Variants in SCAPER observed in about 807,000 individuals in gnomAD.
The protein encoded by SCAPER is S phase cyclin A-associated protein in the endoplasmic reticulum.
SCAPER carries 98 observed loss-of-function variants against 182.2 expected under a neutral mutation model. The ratio of observed to expected loss-of-function variants is 0.54; its 90% CI spans 0.46 to 0.64. The LOEUF (loss-of-function observed/expected upper bound fraction) is 0.64, where lower values mean the gene tolerates loss of function less well. Among genes scored for constraint, SCAPER ranks in the 30% least tolerant of loss-of-function variants. The pLI is 0.00. For missense variants in SCAPER, 1,432 were observed against 1,690.0 expected (o/e 0.85, Z 2.68); for synonymous variants, 605 against 564.6 (o/e 1.07, Z -1.01).
At chr15:76,537,337 C>A (rs1464387852) in intron 23 of SCAPER, among the ~76,000 whole-genome samples, 1 of 151,916 alleles carries the variant, frequency 6.6e-6, no homozygotes, top group Admixed American at 6.6e-5. Context: ...GCTACAGTAA[C>A]CAAAACAGCA....
At chr15:76,690,904 T>C (rs1351793553) in intron 20 of SCAPER, among the ~76,000 whole-genome samples, 1 of 152,020 alleles carries the variant, frequency 6.6e-6, no homozygotes, top group Non-Finnish European at 1.5e-5. Flanking sequence ...AAAAAACTTC[T>C]AAGTGAAATA....
At chr15:76,849,762 C>T (rs1057019314) in intron 4 of SCAPER, among the ~76,000 whole-genome samples, 3 of 152,218 alleles carry the variant, frequency 2.0e-5, no homozygotes, top group African/African-American at 7.2e-5. Flanking sequence ...AGTCCGTTCT[C>T]ACGCTGCTAT....
At chr15:76,415,495 A>G (rs1246516183) in intron 26 of SCAPER, among the ~76,000 whole-genome samples, 1 of 152,190 alleles carries the variant, frequency 6.6e-6, no homozygotes, top group Non-Finnish European at 1.5e-5. Context: ...TAAATTTGGG[A>G]ATTTATTCAC....
At chr15:76,545,682 T>G (rs1408147348) in intron 23 of SCAPER, among the ~76,000 whole-genome samples, 3 of 152,130 alleles carry the variant, frequency 2.0e-5, no homozygotes, top group African/African-American at 7.2e-5. Flanking sequence ...TCACCCTGGC[T>G]TTTTGAAGAC....
intron 23 of SCAPER, among the ~76,000 whole-genome samples, chr15:76,511,863 GTGTGTGTGTA>G (rs2042062121): frequency 9.0e-6 from 1 of 110,668 alleles, no homozygotes; most frequent in Non-Finnish European, 1.8e-5. Flanking sequence ...GTGTGTGTGT[GTGTGTGTGTA>G]TATATATATA....
At chr15:76,368,620 T>C (rs1488099430) in intron 29 of SCAPER, among the ~76,000 whole-genome samples, 2 of 152,182 alleles carry the variant, frequency 1.3e-5, no homozygotes, top group Admixed American at 6.5e-5. Context: ...GACAGTTACA[T>C]GATCAGCATG....
chr15:76,487,531 G>GT (rs1452250589), intron 24 of SCAPER, among the ~76,000 whole-genome samples: 1 of 152,144 alleles, frequency 6.6e-6, no homozygotes, highest in African/African-American at 2.4e-5. Flanking sequence ...ACTTCAGTTA[G>GT]TAACAACATA....
chr15:76,782,903 G>C (rs1392673769), intron 8 of SCAPER, among the ~76,000 whole-genome samples: 1 of 152,176 alleles, frequency 6.6e-6, no homozygotes, highest in Non-Finnish European at 1.5e-5. Flanking sequence ...GAAAGTTATA[G>C]CACTAAATGC....
intron 1 of SCAPER, among the ~76,000 whole-genome samples, chr15:76,899,703 G>A (rs1007883850): frequency 1.2e-4 from 17 of 147,826 alleles, no homozygotes; most frequent in Admixed American, 3.4e-4. Context: ...CCGCCACCCC[G>A]TCTAGGAAGT....
intron 21 of SCAPER, among the ~76,000 whole-genome samples, chr15:76,649,747 T>C (rs1229215947): frequency 6.6e-6 from 1 of 150,428 alleles, no homozygotes; most frequent in Non-Finnish European, 1.5e-5. Flanking sequence ...AAAAAAAATG[T>C]CATAACAGAA....
chr15:76,862,306 C>T, intron 3 of SCAPER, 110 bp downstream of exon 3: 2 of 571,174 alleles, frequency 3.5e-6, no homozygotes, highest in Non-Finnish European at 3.0e-6. Context: ...ATTTAACATA[C>T]TAATCAGCCC....
chr15:76,609,325 TAAA>T (rs577590084), intron 22 of SCAPER, among the ~76,000 whole-genome samples: 8 of 143,240 alleles, frequency 5.6e-5, no homozygotes, highest in African/African-American at 1.3e-4. Flanking sequence ...TCTTTTCTCT[TAAA>T]AAAAAAAAAA....
intron 28 of SCAPER, 104 bp from the exon 29 acceptor site, chr15:76,376,415 A>G (rs1027157026): frequency 6.4e-6 from 8 of 1,256,042 alleles, no homozygotes; most frequent in Non-Finnish European, 8.7e-6. Flanking sequence ...ATGGTGGTGG[A>G]AAAACATGAC....
At chr15:76,382,182 G>C (rs2042987143) in intron 27 of SCAPER, among the ~76,000 whole-genome samples, 1 of 152,060 alleles carries the variant, frequency 6.6e-6, no homozygotes, top group South Asian at 2.1e-4. Flanking sequence ...GAATAAGCAA[G>C]TACTGGATTA....
rs60494575 is a variant in SCAPER, at chr15:76,600,387, A to ATGTGTG, written c.2711+21371_2711+21376dup. On this transcript the variant is annotated intron_variant, in intron 22 of 31. Coordinates refer to ENST00000563290, the MANE Select transcript of SCAPER (RefSeq NM_020843.4). ...TAGCATACTTGGAAAGTGTGTGTAT[A>ATGTGTG]TGTGTGTGTGTGTGTGTGTGTGTGT... is the stretch of plus-strand genomic sequence containing the variant. Among the ~76,000 whole-genome samples, 92 of 88,720 alleles carry ATGTGTG rather than the reference A, an allele frequency of 1.0e-3. 10 individuals are homozygous for ATGTGTG. The highest frequency in any genetic ancestry group is 2.6e-3 in the African/African-American group (83 of 32,300). The allele number at this position is 88,720 out of a possible 152,430, so 58.2% of individuals were successfully genotyped here. A position where few individuals can be genotyped will look rare whatever the true frequency, so the allele number is the denominator to read the frequency against.
intron 22 of SCAPER, among the ~76,000 whole-genome samples, chr15:76,577,230 G>A (rs2047898038): frequency 6.6e-6 from 1 of 152,022 alleles, no homozygotes; most frequent in Non-Finnish European, 1.5e-5. Flanking sequence ...CGGATTGCTT[G>A]GGCCCAGAAG....
At chr15:76,535,875 T>C (rs932305288) in intron 23 of SCAPER, among the ~76,000 whole-genome samples, 2 of 152,176 alleles carry the variant, frequency 1.3e-5, no homozygotes, top group Admixed American at 6.5e-5. Context: ...TCAGTAGTCA[T>C]AGGGTCTTAG....
intron 23 of SCAPER, among the ~76,000 whole-genome samples, chr15:76,538,436 AATC>A (rs1317595491): frequency 1.3e-5 from 2 of 151,664 alleles, no homozygotes; most frequent in African/African-American, 4.9e-5. Context: ...TGAAATTGGA[AATC>A]ATCATTCTCA....
intron 5 of SCAPER, among the ~76,000 whole-genome samples, chr15:76,826,586 G>A (rs867502826): frequency 8.8e-5 from 12 of 136,474 alleles, no homozygotes; most frequent in East Asian, 2.2e-4. Flanking sequence ...AAAAAAAAAC[G>A]GAATTATCTC....
Sources: allele counts gnomAD v4.1 joint callset (sites outside exome capture counted in the v4.1 genomes callset), GRCh38; gene constraint gnomAD v4.1.1; transcripts MANE v1.5; gene names NCBI Gene and HGNC (gene_info 2026-07-23, HGNC 2026-07-21).